RAD51B: variants seen among roughly 807,000 people sequenced by gnomAD.
RAD51B encodes RAD51 paralog B.
In RAD51B, 38 loss-of-function variants were observed where a neutral mutation model predicts 42.2. The observed-to-expected ratio is 0.90, with a 90% CI of 0.70 to 1.18. The LOEUF (loss-of-function observed/expected upper bound fraction) is 1.18. Among genes scored for constraint, RAD51B ranks in the 50% most tolerant of loss-of-function variants. The pLI is 0.00. For missense variants in RAD51B, 373 were observed against 400.7 expected (o/e 0.93, Z 0.59); for synonymous variants, 154 against 145.2 (o/e 1.06, Z -0.43).
At chr14:68,293,446 C>T (rs2081553246) in intron 8 of RAD51B, among the ~76,000 whole-genome samples, 1 of 151,934 alleles carries the variant, frequency 6.6e-6, no homozygotes, top group South Asian at 2.1e-4. Flanking sequence ...TTCAAAACAC[C>T]ACTAGATAAA....
intron 8 of RAD51B, among the ~76,000 whole-genome samples, chr14:68,354,947 T>C (rs2082869462): frequency 2.6e-5 from 4 of 152,126 alleles, no homozygotes; most frequent in Non-Finnish European, 1.5e-5. Flanking sequence ...GATTTCCCTT[T>C]CTGTGAAATG....
intron 8 of RAD51B, among the ~76,000 whole-genome samples, chr14:68,338,237 G>A (rs937418786): frequency 1.3e-5 from 2 of 152,186 alleles, no homozygotes; most frequent in African/African-American, 4.8e-5. Context: ...CCTGGAACAG[G>A]AGCATTTACA....
intron 10 of RAD51B, among the ~76,000 whole-genome samples, chr14:68,609,728 G>T (rs139917074): frequency 5.3e-5 from 8 of 152,022 alleles, no homozygotes; most frequent in Non-Finnish European, 1.0e-4. Context: ...CTTGTCCCCC[G>T]TATCACACAC....
chr14:68,256,758 T>C (rs138370399), intron 7 of RAD51B, among the ~76,000 whole-genome samples: 117 of 152,294 alleles, frequency 7.7e-4, no homozygotes, highest in African/African-American at 2.7e-3. Flanking sequence ...CAATCTCTCT[T>C]GCCCCTAACC....
At position 68,492,846 on chromosome 14, in the gene RAD51B, T is replaced by A. The variant is rs995558883; in HGVS notation, c.1036+24596T>A. 8.5e-5 allele frequency among the ~76,000 whole-genome samples: 13 copies of A among 152,200 alleles called. 1 individual carries two copies. The highest frequency in any genetic ancestry group is 2.9e-4 in the African/African-American group (12 of 41,434). On this transcript the variant is annotated intron_variant, in intron 10 of 10. Coordinates refer to the RAD51B transcript ENST00000487270. ...TAAGTACTCAGTAAATGCCTGCTTATTTCCCTAACAACCCTCTGAGGCAAG... is the reference window on the plus strand; with the variant it reads ...TAAGTACTCAGTAAATGCCTGCTTAATTCCCTAACAACCCTCTGAGGCAAG...
intron 7 of RAD51B, among the ~76,000 whole-genome samples, chr14:68,067,666 A>G (rs927092603): frequency 2.0e-5 from 3 of 152,026 alleles, no homozygotes; most frequent in Non-Finnish European, 4.4e-5. Flanking sequence ...AAGAACTAAT[A>G]AAGTTAACGT....
At chr14:68,002,393 T>C (rs1409381320) in intron 7 of RAD51B, among the ~76,000 whole-genome samples, 4 of 152,210 alleles carry the variant, frequency 2.6e-5, no homozygotes, top group Admixed American at 1.3e-4. Context: ...TTTTTTTCCT[T>C]GTAAATTTGT....
rs1273275940 is a variant in RAD51B at position 68,476,873 on chromosome 14, C to CA, written c.1037-774dup. ...CAGAACTAAGGGCTTGCATTGCAGA[C>CA]ACAGCTCTTTCTCTCTTTTGACATC... On this transcript the variant is annotated intron_variant, in intron 10 of 10. Transcript: ENST00000471583. 3.3e-5 allele frequency among the ~76,000 whole-genome samples: 5 copies of CA among 152,316 alleles called. No individual in the cohort carries two copies. The East Asian group carries it at 7.7e-4, about 23-fold the overall frequency.
chr14:68,147,010 C>T (rs2078265643), intron 7 of RAD51B, among the ~76,000 whole-genome samples: 1 of 152,040 alleles, frequency 6.6e-6, no homozygotes, highest in African/African-American at 2.4e-5. Flanking sequence ...TGGGATCAGA[C>T]CAGAGGAATT....
chr14:68,146,677 A>G (rs1025942226), intron 7 of RAD51B, among the ~76,000 whole-genome samples: 1 of 152,220 alleles, frequency 6.6e-6, no homozygotes, highest in Non-Finnish European at 1.5e-5. Context: ...CACGTAGTGG[A>G]TCCTTCATAT....
At chr14:68,204,639 A>G (rs2079550972) in intron 7 of RAD51B, among the ~76,000 whole-genome samples, 1 of 152,244 alleles carries the variant, frequency 6.6e-6, no homozygotes. Flanking sequence ...AGTGGAGTAC[A>G]ATAAAGTAAG....
In RAD51B at chr14:68,004,114, A is replaced by G. The variant is rs199981503; in HGVS notation, c.756+116910A>G. ...GGGAGGCCGAGGTGGGCGGATCACA[A>G]GGTCTGGAGATCAAGACCATCCTGG... On this transcript the variant is annotated intron_variant, in intron 7 of 10. Transcript: ENST00000471583. Among the ~76,000 whole-genome samples, 20 of 152,188 alleles carry G rather than the reference A, an allele frequency of 1.3e-4. No homozygotes were observed. In the East Asian group the frequency reaches 3.3e-3, roughly 25 times the overall value.
At chr14:67,842,022 T>C (rs2041447054) in intron 4 of RAD51B, among the ~76,000 whole-genome samples, 1 of 152,252 alleles carries the variant, frequency 6.6e-6, no homozygotes, top group South Asian at 2.1e-4. Context: ...TCCATGAGTA[T>C]GGAATGTTTT....
intron 7 of RAD51B, among the ~76,000 whole-genome samples, chr14:67,963,653 T>C (rs1048604343): frequency 3.9e-5 from 6 of 152,144 alleles, no homozygotes; most frequent in African/African-American, 1.4e-4. Flanking sequence ...ATGACAGAGC[T>C]GAACTAGATT....
chr14:68,332,930 T>C (rs866341982), intron 8 of RAD51B, among the ~76,000 whole-genome samples: 7 of 152,246 alleles, frequency 4.6e-5, no homozygotes, highest in African/African-American at 7.2e-5. Flanking sequence ...AAATGACTGA[T>C]TTATAATTCT....
At chr14:68,358,771 C>T (rs940135063) in intron 8 of RAD51B, among the ~76,000 whole-genome samples, 1 of 151,844 alleles carries the variant, frequency 6.6e-6, no homozygotes, top group African/African-American at 2.4e-5. Flanking sequence ...TCAGTCAGAT[C>T]GTGTGATATA....
chr14:68,377,956 A>G (rs2083405199), intron 8 of RAD51B, among the ~76,000 whole-genome samples: 1 of 152,212 alleles, frequency 6.6e-6, no homozygotes, highest in Non-Finnish European at 1.5e-5. Flanking sequence ...TTTGCAATTA[A>G]AAGTCATTTA....
chr14:68,059,153 A>T (rs2076528877), intron 7 of RAD51B, among the ~76,000 whole-genome samples: 1 of 151,746 alleles, frequency 6.6e-6, no homozygotes, highest in Admixed American at 6.6e-5. Context: ...ATTGGATTTC[A>T]CCTCTGCATT....
At chr14:67,948,211 C>T (rs1463860469) in intron 7 of RAD51B, among the ~76,000 whole-genome samples, 2 of 152,126 alleles carry the variant, frequency 1.3e-5, no homozygotes, top group Non-Finnish European at 2.9e-5. Context: ...ATGGACTCTC[C>T]TAAGAGTGAG....
Sources: gnomAD v4.1 joint callset for allele counts (sites outside exome capture counted in the v4.1 genomes callset) on GRCh38, gnomAD v4.1.1 for gene constraint, MANE v1.5 for transcripts, NCBI Gene and HGNC (gene_info 2026-07-23, HGNC 2026-07-21) for gene names.